The following UBASH3B variants were observed in gnomAD, a reference collection of about 807,000 sequenced individuals.
UBASH3B encodes ubiquitin associated and SH3 domain containing B.
In UBASH3B, 37 loss-of-function variants were observed where a neutral mutation model predicts 83.4. That is an observed-to-expected ratio of 0.44 (90% CI 0.34 to 0.58). UBASH3B has a LOEUF of 0.58. UBASH3B is among the 20% of genes least tolerant of loss of function. The pLI, the probability that UBASH3B is intolerant of heterozygous loss-of-function variation, is 0.01. For missense variants in UBASH3B, 657 were observed against 827.2 expected (o/e 0.79, Z 2.52); for synonymous variants, 304 against 318.3 (o/e 0.96, Z 0.48).
intron 1 of UBASH3B, among the ~76,000 whole-genome samples, chr11:122,661,875 A>AC (rs1277682403): frequency 9.8e-5 from 14 of 142,132 alleles, no homozygotes; most frequent in African/African-American, 3.3e-4. Context: ...AAAAAAAAAC[A>AC]AAAAAAAAAA....
intron 1 of UBASH3B, among the ~76,000 whole-genome samples, chr11:122,728,268 C>G (rs1378754056): frequency 6.6e-6 from 1 of 152,144 alleles, no homozygotes; most frequent in African/African-American, 2.4e-5. Flanking sequence ...GTGGGCTTCC[C>G]TAGGCTGACC....
intron 11 of UBASH3B, 77 bp downstream of exon 11, chr11:122,801,409 A>AG (rs1861257244): frequency 6.4e-7 from 1 of 1,551,824 alleles, no homozygotes; most frequent in Non-Finnish European, 8.7e-7. Context: ...AGGTTCAGGA[A>AG]GGAGCCAGGG....
At chr11:122,796,695 T>C (rs1041933981) in intron 8 of UBASH3B, among the ~76,000 whole-genome samples, 4 of 152,202 alleles carry the variant, frequency 2.6e-5, no homozygotes, top group Non-Finnish European at 4.4e-5. Flanking sequence ...ACTGAGAAAC[T>C]ACCTCATGTC....
chr11:122,719,735 TTTCTC>T (rs1180305313), intron 1 of UBASH3B, among the ~76,000 whole-genome samples: 7 of 152,102 alleles, frequency 4.6e-5, no homozygotes, highest in African/African-American at 1.4e-4. Context: ...ATCCTCCTCT[TTTCTC>T]TTAAACTTAT....
intron 1 of UBASH3B, among the ~76,000 whole-genome samples, chr11:122,726,632 T>A (rs1295399578): frequency 6.6e-6 from 1 of 152,204 alleles, no homozygotes; most frequent in Non-Finnish European, 1.5e-5. Context: ...TGAGCCACTG[T>A]GCCCAGCACC....
At chr11:122,755,109 A>G (rs12294398) in intron 1 of UBASH3B, among the ~76,000 whole-genome samples, 58 of 152,120 alleles carry the variant, frequency 3.8e-4, no homozygotes, top group African/African-American at 1.3e-3. Context: ...GTCAGACTAC[A>G]CGGTTCTCTC....
chr11:122,808,158 C>T lies in UBASH3B; in HGVS notation c.1794C>T (p.Phe598=), dbSNP rs1164222793. ...TGTCACCTCAGAACTCCAAGGACTT[C>T]GTACAAATGGTCCGAAAGGTAATTC... ...QGLSPQNSKD[F]VQMVRKIPYL... is the part of the protein sequence containing the mutation. The change falls in exon 13 of 14, where the codon TTC becomes TTT. Residue 598 remains phenylalanine (F), a synonymous_variant. Transcript: ENST00000284273. 4.3e-6 allele frequency: 7 copies of T among 1,613,950 alleles called. No homozygotes were observed. Among genetic ancestry groups the T allele is most frequent in the African/African-American group, 2.7e-5 (2 of 74,916 alleles).
At chr11:122,734,852 A>C (rs1030585734) in intron 1 of UBASH3B, among the ~76,000 whole-genome samples, 1 of 151,762 alleles carries the variant, frequency 6.6e-6, no homozygotes, top group African/African-American at 2.4e-5. Context: ...ATGATCCTGC[A>C]TCTGTGTCAA....
intron 1 of UBASH3B, among the ~76,000 whole-genome samples, chr11:122,665,040 C>A (rs112776177): frequency 0.11 from 16,241 of 152,170 alleles, 924 homozygotes; most frequent in Non-Finnish European, 0.12. Flanking sequence ...TCCCAAGTAG[C>A]TGGGACTACA....
intron 1 of UBASH3B, among the ~76,000 whole-genome samples, chr11:122,656,506 C>G (rs1399286801): frequency 6.6e-6 from 1 of 152,148 alleles, no homozygotes; most frequent in Non-Finnish European, 1.5e-5. Flanking sequence ...CCGCCCCAGC[C>G]GGGTGGAGCT....
chr11:122,800,666 C>T (rs1591330438), intron 10 of UBASH3B, among the ~76,000 whole-genome samples: 4 of 152,138 alleles, frequency 2.6e-5, no homozygotes, highest in Admixed American at 2.6e-4. Flanking sequence ...TGGAGTGCAG[C>T]TGCACAATCT....
chr11:122,779,423 A>G, intron 3 of UBASH3B, 74 bp from the exon 4 acceptor site: 1 of 1,529,906 alleles, frequency 6.5e-7, no homozygotes, highest in Non-Finnish European at 9.0e-7. Flanking sequence ...TGGGGAGAGG[A>G]TGCCAATGTT....
chr11:122,687,110 C>G (rs1001577406), intron 1 of UBASH3B, among the ~76,000 whole-genome samples: 38 of 152,158 alleles, frequency 2.5e-4, no homozygotes, highest in African/African-American at 8.9e-4. Context: ...CTCAAGCTAT[C>G]CACTCGCCTT....
At chr11:122,688,684 G>A (rs1446705345) in intron 1 of UBASH3B, among the ~76,000 whole-genome samples, 6 of 147,622 alleles carry the variant, frequency 4.1e-5, no homozygotes, top group Admixed American at 2.0e-4. Flanking sequence ...TTGCTCTGTT[G>A]CCCAGGCTGG....
At chr11:122,793,992 G>A (rs1035094834) in intron 6 of UBASH3B, among the ~76,000 whole-genome samples, 4 of 152,126 alleles carry the variant, frequency 2.6e-5, no homozygotes, top group Non-Finnish European at 2.9e-5. Context: ...AAATTACCAC[G>A]GGAAATATTA....
intron 1 of UBASH3B, among the ~76,000 whole-genome samples, chr11:122,757,492 A>G (rs916531396): frequency 6.6e-6 from 1 of 152,168 alleles, no homozygotes; most frequent in East Asian, 1.9e-4. Flanking sequence ...TAGAAGCACA[A>G]ATGAATGAAG....
chr11:122,676,766 C>G (rs943255725), intron 1 of UBASH3B, among the ~76,000 whole-genome samples: 1 of 152,168 alleles, frequency 6.6e-6, no homozygotes, highest in African/African-American at 2.4e-5. Flanking sequence ...ACTGTTGTCT[C>G]CCTGTCTTCC....
chr11:122,659,861 C>T (rs1056045582), intron 1 of UBASH3B, among the ~76,000 whole-genome samples: 8 of 152,078 alleles, frequency 5.3e-5, no homozygotes, highest in African/African-American at 1.7e-4. Flanking sequence ...ATGGGTGTAA[C>T]TGGGTCTGGT....
intron 1 of UBASH3B, among the ~76,000 whole-genome samples, chr11:122,773,125 G>A (rs1860675520): frequency 1.3e-5 from 2 of 152,218 alleles, no homozygotes; most frequent in South Asian, 4.1e-4. Context: ...TCACCCGGAG[G>A]ATAGCAGATG....
Sources: gnomAD v4.1 joint callset for allele counts (sites outside exome capture counted in the v4.1 genomes callset) on GRCh38, gnomAD v4.1.1 for gene constraint, MANE v1.5 for transcripts, NCBI Gene and HGNC (gene_info 2026-07-23, HGNC 2026-07-21) for gene names.